Variants in ACOT11 observed in about 807,000 individuals in gnomAD.
The protein encoded by ACOT11 is acyl-CoA thioesterase 11, also known as acyl-coenzyme A thioesterase 11.
In ACOT11, 69 loss-of-function variants were observed where a neutral mutation model predicts 77.5. That is an observed-to-expected ratio of 0.89 (90% CI 0.73 to 1.09). The LOEUF is 1.09. ACOT11 is among the 50% of genes least tolerant of loss of function. The pLI is 0.00. For synonymous variants in ACOT11, 279 were observed against 313.0 expected, an observed-to-expected ratio of 0.89 and a Z score of 1.15; for missense variants, 766 against 813.7, an observed-to-expected ratio of 0.94 and a Z score of 0.71.
chr1:54,613,263 C>T (rs1378506615), downstream of ACOT11, among the ~76,000 whole-genome samples: 11 of 152,028 alleles, frequency 7.2e-5, no homozygotes, highest in Admixed American at 5.2e-4. Flanking sequence ...GCTATAATCC[C>T]AGCTACTTGG....
At chr1:54,632,535 A>G (rs1333997760) in intron 16 of ACOT11, among the ~76,000 whole-genome samples, 1 of 152,218 alleles carries the variant, frequency 6.6e-6, no homozygotes, top group Non-Finnish European at 1.5e-5. Context: ...TGTTCTCTGG[A>G]AAGCAGAGCC....
chr1:54,608,897 A>G (rs533851519), intron 15 of ACOT11, 60 bp from the exon 16 acceptor site: 1 of 1,529,008 alleles, frequency 6.5e-7, no homozygotes, highest in African/African-American at 1.4e-5. Flanking sequence ...CTGGGCTCCC[A>G]CCCCTTCCCA....
chr1:54,551,041 G>A (rs1382501545), intron 1 of ACOT11, among the ~76,000 whole-genome samples: 2 of 150,576 alleles, frequency 1.3e-5, no homozygotes, highest in African/African-American at 2.4e-5. Flanking sequence ...TCGGGATGCC[G>A]AGGCAGGAGA....
intron 1 of ACOT11, 87 bp downstream of exon 1, chr1:54,548,429 T>C (rs12133271): frequency 0.1 from 147,103 of 1,456,004 alleles, 8,003 homozygotes; most frequent in Admixed American, 0.17. Flanking sequence ...ACTCAGACGC[T>C]CTGCATCTCC....
chr1:54,570,511 C>T (rs578006063), intron 1 of ACOT11, among the ~76,000 whole-genome samples: 1 of 152,332 alleles, frequency 6.6e-6, no homozygotes, highest in East Asian at 1.9e-4. Flanking sequence ...CTTTCTACAA[C>T]ACCTTGCCCT....
downstream of ACOT11, chr1:54,614,737 G>A (rs1311044183): frequency 1.1e-5 from 17 of 1,613,894 alleles, no homozygotes; most frequent in Non-Finnish European, 1.7e-6. Context: ...AGCATGTTGG[G>A]GCCCTTTAAG....
chr1:54,625,486 A>G (rs1222689787), intron 15 of ACOT11, among the ~76,000 whole-genome samples: 1 of 152,196 alleles, frequency 6.6e-6, no homozygotes, highest in African/African-American at 2.4e-5. Context: ...TCCCTTCTGT[A>G]ATAAGGCATG....
chr1:54,562,439 G>T (rs1398123758), intron 1 of ACOT11, among the ~76,000 whole-genome samples: 6 of 83,888 alleles, frequency 7.2e-5, no homozygotes, highest in Non-Finnish European at 1.1e-4. Context: ...TGGCCGGGCG[G>T]GGGGCTGATC....
Position 54,585,822 on chromosome 1 carries a change from C to G in ACOT11, c.242-13C>G. The stretch of plus-strand genomic sequence containing the variant: ...GAGGCTGCTAATGTCTGGCTTTCTT[C>G]TGCTGACACCAGCGGAGAGGCACGC... On this transcript the variant is annotated splice_polypyrimidine_tract_variant and intron_variant, in intron 2 of 15. Coordinates refer to ENST00000343744, the MANE Select transcript of ACOT11 (RefSeq NM_147161.4). 6.2e-7 allele frequency: 1 copy of G among 1,613,946 alleles called. No homozygotes were observed. Among genetic ancestry groups the G allele is most frequent in the Non-Finnish European group, 8.5e-7 (1 of 1,179,926 alleles).
At chr1:54,616,166 A>G (rs1260783116) in intron 15 of ACOT11, 1 of 1,613,538 alleles carries the variant, frequency 6.2e-7, no homozygotes, top group East Asian at 2.2e-5. Context: ...CAGGACTGTG[A>G]TGTTGCCTGT....
At chr1:54,599,453 G>T (rs370737777) in intron 8 of ACOT11, 38 bp downstream of exon 8, 11 of 1,545,658 alleles carry the variant, frequency 7.1e-6, no homozygotes, top group South Asian at 3.6e-5. Context: ...GTCCATTCAG[G>T]GCTGAGGGCT....
chr1:54,573,387 C>A, intron 1 of ACOT11: 1 of 263,050 alleles, frequency 3.8e-6, no homozygotes. Context: ...GGAATAATAA[C>A]AACATTCAGG....
chr1:54,624,178 C>T (rs530763165), intron 15 of ACOT11, among the ~76,000 whole-genome samples: 6 of 152,228 alleles, frequency 3.9e-5, no homozygotes, highest in South Asian at 2.1e-4. Context: ...AGAATTTAAA[C>T]GAGTCCAGGA....
Position 54,629,347 on chromosome 1 carries a change from C to T in ACOT11, c.1630-1387C>T, listed in dbSNP as rs1262246210. Among the ~76,000 whole-genome samples, 4 of 128,230 alleles carry T rather than the reference C, an allele frequency of 3.1e-5. 1 individual carries two copies. Among genetic ancestry groups the T allele is most frequent in the African/African-American group, 5.2e-5 (2 of 38,128 alleles). 84.1% of individuals were successfully genotyped at this position (128,230 alleles called of 152,430 possible). A position where few individuals can be genotyped will look rare whatever the true frequency, so the allele number is the denominator to read the frequency against. On this transcript the variant is annotated intron_variant, in intron 15 of 16. Transcript: ENST00000371316. ...TGTTGCCCAGGCTGGAGTGCAGTGGCGCGATCTCGGCTCACTGCAACCTCT... is the reference window on the plus strand; with the variant it reads ...TGTTGCCCAGGCTGGAGTGCAGTGGTGCGATCTCGGCTCACTGCAACCTCT...
At chr1:54,612,486 C>T (rs2101016011), downstream of ACOT11, 1 of 1,612,892 alleles carries the variant, frequency 6.2e-7, no homozygotes, top group African/African-American at 1.3e-5. Context: ...TGGTTTTCAC[C>T]TCTCAGATTG....
exon 17 of ACOT11, chr1:54,637,815 TCA>T (rs1363416911): frequency 6.6e-6 from 1 of 151,936 alleles, no homozygotes; most frequent in Admixed American, 6.6e-5. Flanking sequence ...GTGCAACTCA[TCA>T]GAGTTGCACA....
At chr1:54,569,564 C>T (rs1039701390) in intron 1 of ACOT11, among the ~76,000 whole-genome samples, 1 of 152,206 alleles carries the variant, frequency 6.6e-6, no homozygotes, top group South Asian at 2.1e-4. Flanking sequence ...TGTCTCCTCC[C>T]TGCCACTGAG....
At chr1:54,614,942 G>A (rs1423453404), downstream of ACOT11, 1 of 522,106 alleles carries the variant, frequency 1.9e-6, no homozygotes, top group Non-Finnish European at 2.7e-6. Context: ...CAGAGCGGGT[G>A]TGTGTGTGTG....
intron 5 of ACOT11, 87 bp from the exon 6 acceptor site, chr1:54,594,469 G>A (rs750993472): frequency 9.4e-6 from 14 of 1,496,506 alleles, no homozygotes; most frequent in South Asian, 2.7e-5. Flanking sequence ...TGCTAGCCTC[G>A]GGCATGGCAT....
Sources: allele counts gnomAD v4.1 joint callset (sites outside exome capture counted in the v4.1 genomes callset), GRCh38; gene constraint gnomAD v4.1.1; transcripts MANE v1.5; gene names NCBI Gene and HGNC (gene_info 2026-07-23, HGNC 2026-07-21).